The following SP3 variants were observed in gnomAD, a reference collection of about 807,000 sequenced individuals.
The protein encoded by SP3 is transcription factor Sp3.
A neutral mutation model predicts 70.3 loss-of-function variants in SP3; 10 were observed. The observed-to-expected ratio is 0.14, with a 90% CI of 0.09 to 0.24. SP3 has a LOEUF of 0.24. Among genes scored for constraint, SP3 ranks in the 10% least tolerant of loss-of-function variants. The pLI is 1.00. For missense variants in SP3, 825 were observed against 914.6 expected (o/e 0.90, Z 1.26); for synonymous variants, 402 against 333.5 (o/e 1.21, Z -2.24).
chr2:173,922,711 A>C (rs1486673787), intron 4 of SP3, among the ~76,000 whole-genome samples: 1 of 152,180 alleles, frequency 6.6e-6, no homozygotes, highest in African/African-American at 2.4e-5. Flanking sequence ...CAAATACTTA[A>C]AAAGTCAAGT....
At chr2:173,924,767 C>A (rs1689862044) in intron 4 of SP3, among the ~76,000 whole-genome samples, 1 of 152,184 alleles carries the variant, frequency 6.6e-6, no homozygotes, top group African/African-American at 2.4e-5. Context: ...ATAGGAACAG[C>A]AGCTTTAAGT....
chr2:173,902,028 T>G lies in SP3; in HGVS notation c.*7913A>C, dbSNP rs190840723. ...TATTCAACTCAAGAGAGTGGTCTAC[T>G]ATGTGAGAAGACCCCTACAGTGAGA... On this transcript the variant is annotated 3_prime_UTR_variant, in exon 7 of 7. Coordinates refer to ENST00000310015, the MANE Select transcript of SP3 (RefSeq NM_003111.5). 2.7e-3 allele frequency among the ~76,000 whole-genome samples: 406 copies of G among 152,228 alleles called. No homozygotes were observed. Among genetic ancestry groups the G allele is most frequent in the Non-Finnish European group, 4.6e-3 (312 of 68,024 alleles).
chr2:173,962,166 A>G (rs1691109748), intron 3 of SP3, among the ~76,000 whole-genome samples: 1 of 152,176 alleles, frequency 6.6e-6, no homozygotes. Flanking sequence ...GGTTGGAGAC[A>G]GTATTCTATC....
intron 3 of SP3, among the ~76,000 whole-genome samples, chr2:173,956,650 A>C (rs528037139): frequency 7.9e-5 from 12 of 152,366 alleles, no homozygotes; most frequent in East Asian, 1.9e-4. Flanking sequence ...TTATTGCTAT[A>C]AGCCTAAAAT....
At chr2:173,939,247 T>C (rs932084991) in intron 4 of SP3, among the ~76,000 whole-genome samples, 1 of 152,130 alleles carries the variant, frequency 6.6e-6, no homozygotes, top group Non-Finnish European at 1.5e-5. Context: ...AGTAAAGACT[T>C]TACAGAAAGC....
rs556196641 is a variant in SP3 at position 173,946,574 on chromosome 2, G to C, written c.1639+8299C>G. 3.3e-5 allele frequency among the ~76,000 whole-genome samples: 5 copies of C among 152,110 alleles called. No homozygotes were observed. In the East Asian group the frequency reaches 9.6e-4, roughly 29 times the overall value. On this transcript the variant is annotated intron_variant, in intron 4 of 6. Transcript: ENST00000310015. The stretch of plus-strand genomic sequence containing the variant: ...GTTCAATAAAGGTCTTTGAATAATA[G>C]TATTTTAAATATCTTCACTAAACTC...
At chr2:173,961,935 GTTTTTTTTT>G (rs536537799) in intron 3 of SP3, among the ~76,000 whole-genome samples, 4 of 81,012 alleles carry the variant, frequency 4.9e-5, no homozygotes, top group Non-Finnish European at 9.7e-5. Context: ...TATGGTTTGG[GTTTTTTTTT>G]TTTTTTTTTT....
chr2:173,961,886 G>A (rs1194217366), intron 3 of SP3, among the ~76,000 whole-genome samples: 1 of 147,940 alleles, frequency 6.8e-6, no homozygotes, highest in Non-Finnish European at 1.5e-5. Context: ...TTTACTCAAA[G>A]TGAAAAATCT....
chr2:173,928,693 C>T (rs1452099032), intron 4 of SP3, among the ~76,000 whole-genome samples: 1 of 152,118 alleles, frequency 6.6e-6, no homozygotes, highest in East Asian at 1.9e-4. Context: ...TTTCTATTTT[C>T]CCGTGTCTGC....
chr2:173,953,274 A>C (rs1490866555), intron 4 of SP3, among the ~76,000 whole-genome samples: 1 of 152,246 alleles, frequency 6.6e-6, no homozygotes. Context: ...CCACCACTGA[A>C]AGTGTCAACA....
At chr2:173,945,343 A>G (rs549020050) in intron 4 of SP3, among the ~76,000 whole-genome samples, 65 of 152,206 alleles carry the variant, frequency 4.3e-4, no homozygotes, top group Non-Finnish European at 7.8e-4. Flanking sequence ...TACAAACTAA[A>G]TTCAAAAACT....
intron 5 of SP3, among the ~76,000 whole-genome samples, chr2:173,918,222 C>A (rs1689659455): frequency 1.3e-5 from 2 of 152,066 alleles, no homozygotes; most frequent in Admixed American, 6.6e-5. Context: ...TTATGCTTAT[C>A]AGCCATTCCT....
chr2:173,911,874 A>G (rs61063090), intron 6 of SP3, among the ~76,000 whole-genome samples: 5,955 of 133,664 alleles, frequency 0.045, 190 homozygotes, highest in Admixed American at 0.13. Flanking sequence ...GCTGCAGTAC[A>G]GTGGCATGAC....
Position 173,937,569 on chromosome 2 carries a change from G to GC in SP3, c.1639+17303_1639+17304insG, listed in dbSNP as rs1553517279. Among the ~76,000 whole-genome samples the GC allele has an allele frequency of 5.2e-3, 792 of 151,532 alleles. 4 individuals carry two copies. The highest frequency in any genetic ancestry group is 0.018 in the African/African-American group (724 of 41,350). On this transcript the variant is annotated intron_variant, in intron 4 of 6. Coordinates refer to ENST00000310015, the MANE Select transcript of SP3 (RefSeq NM_003111.5). ...AATCTTACTTTATGTTAAATTTCTT[G>GC]AAAAAAAATTTTTAAATAATTCTGA...
At chr2:173,939,032 G>A (rs570200543) in intron 4 of SP3, among the ~76,000 whole-genome samples, 133 of 152,256 alleles carry the variant, frequency 8.7e-4, no homozygotes, top group Middle Eastern at 3.4e-3. Context: ...GCAGAGGACA[G>A]CCCCAAAACA....
intron 4 of SP3, among the ~76,000 whole-genome samples, chr2:173,948,302 A>T (rs529093091): frequency 6.6e-6 from 1 of 152,194 alleles, no homozygotes; most frequent in African/African-American, 2.4e-5. Context: ...TTCCAGAAAT[A>T]AAGACTTCGC....
rs3045255 is a variant in SP3 at position 173,946,885 on chromosome 2, C to CTTT, written c.1639+7985_1639+7987dup. On this transcript the variant is annotated intron_variant, in intron 4 of 6. Transcript: ENST00000310015. Reference sequence around the variant, plus strand: ...TACAGGTGTGTACCACCACGCCTGGCTTTTTTTTTTTAAGGTAGACGGAGG... The same window carrying CTTT: ...TACAGGTGTGTACCACCACGCCTGGCTTTTTTTTTTTTTTAAGGTAGACGGAGG... Among the ~76,000 whole-genome samples, 130 of 146,802 alleles carry CTTT rather than the reference C, an allele frequency of 8.9e-4. 4 individuals are homozygous for CTTT. The South Asian group carries it at 0.022, about 24-fold the overall frequency.
Position 173,907,210 on chromosome 2 carries a change from A to T in SP3, c.*2731T>A, listed in dbSNP as rs1689353816. 6.6e-6 allele frequency: 1 copy of T among 152,166 alleles called. No homozygotes were observed. The allele number at this position is 152,166 out of a possible 1,614,324, so 9.4% of individuals were successfully genotyped here. A position where few individuals can be genotyped will look rare whatever the true frequency, so the allele number is the denominator to read the frequency against. On this transcript the variant is annotated 3_prime_UTR_variant, in exon 7 of 7. Transcript: ENST00000310015. ...TCCACTAAATGTTACAACAGGAATT[A>T]TTTGTACATAAATATATTCAATATG... is the stretch of plus-strand genomic sequence containing the variant.
chr2:173,939,880 G>A (rs1690316653), intron 4 of SP3, among the ~76,000 whole-genome samples: 2 of 151,932 alleles, frequency 1.3e-5, no homozygotes, highest in African/African-American at 2.4e-5. Flanking sequence ...GAGGGGGCAT[G>A]GAAAATGGAA....
Sources: allele counts gnomAD v4.1 joint callset (sites outside exome capture counted in the v4.1 genomes callset), GRCh38; gene constraint gnomAD v4.1.1; transcripts MANE v1.5; gene names NCBI Gene and HGNC (gene_info 2026-07-23, HGNC 2026-07-21).